FZD6: variants seen among roughly 807,000 people sequenced by gnomAD.
FZD6 encodes the protein frizzled class receptor 6.
A neutral mutation model predicts 61.4 loss-of-function variants in FZD6; 49 were observed. The observed-to-expected ratio is 0.80, with a 90% CI of 0.63 to 1.01. The LOEUF (loss-of-function observed/expected upper bound fraction) is 1.01, where lower values mean the gene tolerates loss of function less well. Among genes scored for constraint, FZD6 ranks in the 50% least tolerant of loss-of-function variants. The pLI is 0.00. For missense variants in FZD6, 724 were observed against 848.2 expected, an observed-to-expected ratio of 0.85 and a Z score of 1.82; for synonymous variants, 265 against 292.2, an observed-to-expected ratio of 0.91 and a Z score of 0.95.
At position 103,313,760 on chromosome 8, in the gene FZD6, C is replaced by CTGTGTGTGTGTGTGTGTGTG. The variant is rs58157848; in HGVS notation, c.178-4806_178-4787dup. 6.3e-5 allele frequency among the ~76,000 whole-genome samples: 9 copies of CTGTGTGTGTGTGTGTGTGTG among 142,844 alleles called. No individual in the cohort carries two copies. The East Asian group carries it at 1.4e-3, about 23-fold the overall frequency. The allele number at this position is 142,844 out of a possible 152,430, so 93.7% of individuals were successfully genotyped here. ...GGATCTGACCTGAGACTTGATTTTTCTGTGTGTGTGTGTGTGTGTGTGTGT... is the reference window on the plus strand; with the variant it reads ...GGATCTGACCTGAGACTTGATTTTTCTGTGTGTGTGTGTGTGTGTGTGTGTGTGTGTGTGTGTGTGTGTGT... On this transcript the variant is annotated intron_variant, in intron 2 of 6. Coordinates refer to ENST00000358755, the MANE Select transcript of FZD6 (RefSeq NM_003506.4).
At chr8:103,315,839 C>T (rs886686183) in intron 2 of FZD6, among the ~76,000 whole-genome samples, 2 of 152,194 alleles carry the variant, frequency 1.3e-5, no homozygotes, top group African/African-American at 2.4e-5. Context: ...AGTCCTTGCC[C>T]ACCCTTTTCC....
intron 3 of FZD6, 74 bp downstream of exon 3, chr8:103,318,860 G>T: frequency 1.2e-6 from 1 of 837,804 alleles, no homozygotes; most frequent in Non-Finnish European, 2.1e-6. Context: ...ATGTTAGTGA[G>T]AAGCTTTCAT....
Position 103,325,223 on chromosome 8 carries a change from T to C in FZD6, c.1117T>C (p.Leu373=), listed in dbSNP as rs777830777. The C allele has an allele frequency of 6.2e-7, 1 of 1,614,230 alleles. No individual in the cohort carries two copies. Among genetic ancestry groups the C allele is most frequent in the South Asian group, 1.1e-5 (1 of 91,088 alleles). ...DLDASRYFVL[L]PLCLCVFVGL... is the part of the protein sequence containing the mutation. ...GGATGCTTCTCGCTACTTTGTACTC[T>C]TGCCACTGTGCCTTTGTGTGTTTGT... Residue 373 remains leucine, a synonymous_variant, in exon 4 of 7, where the codon TTG becomes CTG. Coordinates refer to ENST00000358755, the MANE Select transcript of FZD6 (RefSeq NM_003506.4).
chr8:103,328,336 C>T lies in FZD6; in HGVS notation c.1461C>T (p.Gly487=). Reference sequence around the variant, plus strand: ...AATACCTGATGACATTAATTGTTGGCATCTCTGCTGTCTTCTGGGTTGGAA... The same window carrying T: ...AATACCTGATGACATTAATTGTTGGTATCTCTGCTGTCTTCTGGGTTGGAA... ...MIKYLMTLIV[G]ISAVFWVGSK... The change falls in exon 5 of 7, where the codon GGC becomes GGT. Residue 487 remains glycine, a synonymous_variant. Coordinates refer to ENST00000358755, the MANE Select transcript of FZD6 (RefSeq NM_003506.4). 6.2e-7 allele frequency: 1 copy of T among 1,610,502 alleles called. No homozygotes were observed. Among genetic ancestry groups the T allele is most frequent in the South Asian group, 1.1e-5 (1 of 91,002 alleles).
intron 2 of FZD6, among the ~76,000 whole-genome samples, chr8:103,314,637 A>G (rs919638065): frequency 1.3e-5 from 2 of 152,178 alleles, no homozygotes; most frequent in African/African-American, 4.8e-5. Context: ...AGGACAGGGG[A>G]ACTTCCCACT....
intron 3 of FZD6, among the ~76,000 whole-genome samples, 155 bp from the exon 4 acceptor site, chr8:103,324,326 C>T (rs1477605703): frequency 1.3e-5 from 2 of 152,134 alleles, no homozygotes; most frequent in African/African-American, 2.4e-5. Flanking sequence ...TCAAAAATTT[C>T]TACTCAACTC....
chr8:103,313,648 A>C (rs1276235532), intron 2 of FZD6, among the ~76,000 whole-genome samples: 3 of 152,156 alleles, frequency 2.0e-5, no homozygotes, highest in Non-Finnish European at 2.9e-5. Flanking sequence ...TAATTAACTT[A>C]AAGGTTTTCT....
intron 2 of FZD6, among the ~76,000 whole-genome samples, chr8:103,309,504 T>A (rs931935804): frequency 2.0e-5 from 3 of 152,224 alleles, no homozygotes; most frequent in Admixed American, 1.3e-4. Flanking sequence ...CTAGTGGTGT[T>A]GCCAATCTCT....
chr8:103,324,827 T>TA lies in FZD6; in HGVS notation c.722dup (p.Tyr241Ter), dbSNP rs1814894834. ...ACCAATTATATATTACTCTGTCTGT[T>TA]ACAGCATTGTATCTCTTATGTACTT... ...ERPIIYYSVC[Y>*]SIVSLMYFIG... Residue 241 changes from tyrosine (Y) to a stop codon, truncating the protein, a stop_gained and frameshift_variant, in exon 4 of 7, where the codon TAC (tyrosine) becomes TAAC (stop). Coordinates refer to ENST00000358755, the MANE Select transcript of FZD6 (RefSeq NM_003506.4). LOFTEE classifies it high-confidence loss of function. 1 of 1,613,310 alleles carries TA rather than the reference T, an allele frequency of 6.2e-7. No individual in the cohort carries two copies. The highest frequency in any genetic ancestry group is 8.5e-7 in the Non-Finnish European group (1 of 1,179,334).
intron 3 of FZD6, 71 bp downstream of exon 3, chr8:103,318,857 T>A: frequency 1.2e-6 from 1 of 867,926 alleles, no homozygotes; most frequent in Non-Finnish European, 2.0e-6. Context: ...GGGATGTTAG[T>A]GAGAAGCTTT....
chr8:103,329,772 C>T lies in FZD6; in HGVS notation c.1659C>T (p.Val553=). The T allele has an allele frequency of 6.2e-7, 1 of 1,614,044 alleles. No homozygotes were observed. Among genetic ancestry groups the T allele is most frequent in the African/African-American group, 1.3e-5 (1 of 75,058 alleles). ...HYKPSSHKLK[V]ISKSMGTSTG... ...AACCAAGTTCACACAAGCTGAAGGT[C>T]ATTTCCAAATCCATGGGAACCAGCA... The change falls in exon 6 of 7, where the codon GTC becomes GTT. Residue 553 remains valine, a synonymous_variant. Coordinates refer to ENST00000358755, the MANE Select transcript of FZD6 (RefSeq NM_003506.4).
At chr8:103,312,062 C>A (rs1376425349) in intron 2 of FZD6, among the ~76,000 whole-genome samples, 3 of 152,122 alleles carry the variant, frequency 2.0e-5, no homozygotes, top group Admixed American at 2.0e-4. Flanking sequence ...TCTCATTTTT[C>A]ATTTATCTTA....
At chr8:103,306,603 C>T (rs547562100) in intron 2 of FZD6, among the ~76,000 whole-genome samples, 4 of 148,974 alleles carry the variant, frequency 2.7e-5, no homozygotes, top group African/African-American at 5.0e-5. Flanking sequence ...CCTGGGTTCA[C>T]GCCATTCTCC....
chr8:103,325,684 A>G (rs1415113203), intron 4 of FZD6, among the ~76,000 whole-genome samples, 186 bp downstream of exon 4: 1 of 152,242 alleles, frequency 6.6e-6, no homozygotes, highest in Non-Finnish European at 1.5e-5. Flanking sequence ...CTCAAGCTTT[A>G]GCTTCAGTTG....
chr8:103,329,262 T>C (rs1329208121), intron 5 of FZD6, among the ~76,000 whole-genome samples: 1 of 151,424 alleles, frequency 6.6e-6, no homozygotes, highest in Non-Finnish European at 1.5e-5. Context: ...AAAAGACTTA[T>C]ATTTAAATGA....
intron 2 of FZD6, among the ~76,000 whole-genome samples, chr8:103,315,125 T>C (rs1485231870): frequency 6.6e-6 from 1 of 152,222 alleles, no homozygotes; most frequent in Non-Finnish European, 1.5e-5. Flanking sequence ...TTCAATGGCA[T>C]TTCGAGTGGA....
chr8:103,303,839 T>C (rs141959481), intron 2 of FZD6, among the ~76,000 whole-genome samples: 2,016 of 152,336 alleles, frequency 0.013, 45 homozygotes, highest in African/African-American at 0.044. Flanking sequence ...TTAAAGAATT[T>C]GATTTTTAAC....
chr8:103,325,327 A>G lies in FZD6; in HGVS notation c.1221A>G (p.Gln407=). 6.2e-7 allele frequency: 1 copy of G among 1,614,194 alleles called. No individual in the cohort carries two copies. Among genetic ancestry groups the G allele is most frequent in the South Asian group, 1.1e-5 (1 of 91,086 alleles). Reference sequence around the variant, plus strand: ...TCATACAACATGATGGCCGGAACCAAGAAAAACTAAAGAAATTTATGATTC... The same window carrying G: ...TCATACAACATGATGGCCGGAACCAGGAAAAACTAAAGAAATTTATGATTC... ...RQVIQHDGRN[Q]EKLKKFMIRI... The change falls in exon 4 of 7, where the codon CAA becomes CAG. Residue 407 remains glutamine (Q), a synonymous_variant. Coordinates refer to ENST00000358755, the MANE Select transcript of FZD6 (RefSeq NM_003506.4).
chr8:103,308,287 G>C (rs554002339), intron 2 of FZD6, among the ~76,000 whole-genome samples: 1 of 152,242 alleles, frequency 6.6e-6, no homozygotes, highest in African/African-American at 2.4e-5. Flanking sequence ...TTTTTTTTGA[G>C]ATTATAGGCC....
Sources: allele counts gnomAD v4.1 joint callset (sites outside exome capture counted in the v4.1 genomes callset), GRCh38; gene constraint gnomAD v4.1.1; transcripts MANE v1.5; gene names NCBI Gene and HGNC (gene_info 2026-07-23, HGNC 2026-07-21).